Variants in KCNQ3 observed in about 807,000 individuals in gnomAD.
The protein encoded by KCNQ3 is potassium voltage-gated channel subfamily KQT member 3.
In KCNQ3, 30 loss-of-function variants were observed where a neutral mutation model predicts 92.5. That is an observed-to-expected ratio of 0.32 (90% CI 0.24 to 0.44). The LOEUF (loss-of-function observed/expected upper bound fraction) is 0.44, where lower values mean the gene tolerates loss of function less well. KCNQ3 is among the 20% of genes least tolerant of loss of function. KCNQ3 has a pLI of 1.00. For missense variants in KCNQ3, 913 were observed against 1,140.3 expected (o/e 0.80, Z 2.87); for synonymous variants, 450 against 468.8 (o/e 0.96, Z 0.52).
intron 1 of KCNQ3, among the ~76,000 whole-genome samples, chr8:132,421,879 G>A (rs1386162211): frequency 6.6e-6 from 1 of 152,106 alleles, no homozygotes; most frequent in Non-Finnish European, 1.5e-5. Context: ...TTTTCCAAAG[G>A]GAGCCAGGAT....
chr8:132,353,415 C>T (rs886622155), intron 1 of KCNQ3, among the ~76,000 whole-genome samples: 6 of 152,086 alleles, frequency 3.9e-5, no homozygotes, highest in Admixed American at 1.3e-4. Flanking sequence ...CACATGGAAA[C>T]GGTCAAAACT....
intron 1 of KCNQ3, among the ~76,000 whole-genome samples, chr8:132,226,429 G>A (rs528199172): frequency 1.1e-4 from 16 of 152,276 alleles, no homozygotes; most frequent in South Asian, 4.1e-4. Context: ...GCGCGCATGC[G>A]TGTGTAGGGG....
chr8:132,284,224 T>C (rs1183883403), intron 1 of KCNQ3, among the ~76,000 whole-genome samples: 1 of 152,070 alleles, frequency 6.6e-6, no homozygotes, highest in African/African-American at 2.4e-5. Flanking sequence ...TTCTAAGAAA[T>C]TGACCCTGGG....
At chr8:132,228,922 G>C (rs1814530326) in intron 1 of KCNQ3, among the ~76,000 whole-genome samples, 1 of 152,286 alleles carries the variant, frequency 6.6e-6, no homozygotes, top group South Asian at 2.1e-4. Flanking sequence ...TTGACACAGG[G>C]AGAGAGGGAA....
intron 1 of KCNQ3, among the ~76,000 whole-genome samples, chr8:132,419,759 C>T (rs1587003205): frequency 6.6e-6 from 1 of 152,242 alleles, no homozygotes; most frequent in East Asian, 1.9e-4. Flanking sequence ...AACTGAGGCT[C>T]AAAAATCCCG....
intron 1 of KCNQ3, among the ~76,000 whole-genome samples, chr8:132,187,942 G>C (rs62519611): frequency 4.3e-5 from 6 of 139,114 alleles, no homozygotes; most frequent in Admixed American, 6.8e-5. Context: ...GATGGTGGTG[G>C]TGGTGGTGGT....
At chr8:132,391,361 A>G (rs183848440) in intron 1 of KCNQ3, among the ~76,000 whole-genome samples, 1 of 152,194 alleles carries the variant, frequency 6.6e-6, no homozygotes, top group Admixed American at 6.5e-5. Flanking sequence ...TAAAATGGAG[A>G]GGATGACAAA....
intron 1 of KCNQ3, among the ~76,000 whole-genome samples, chr8:132,370,125 A>G (rs968712137): frequency 1.3e-5 from 2 of 152,092 alleles, no homozygotes; most frequent in Non-Finnish European, 2.9e-5. Context: ...ATGGTTTCCA[A>G]CGGCTGTTAC....
intron 1 of KCNQ3, among the ~76,000 whole-genome samples, chr8:132,281,981 T>A (rs1816536800): frequency 6.6e-6 from 1 of 152,114 alleles, no homozygotes; most frequent in African/African-American, 2.4e-5. Context: ...ATCACCTTCC[T>A]CACATTCTTC....
At chr8:132,229,537 A>C (rs1279242961) in intron 1 of KCNQ3, among the ~76,000 whole-genome samples, 2 of 151,944 alleles carry the variant, frequency 1.3e-5, no homozygotes, top group African/African-American at 4.8e-5. Context: ...GATGAAATTC[A>C]TTTTGAAGGT....
At chr8:132,298,657 C>T (rs1817121583) in intron 1 of KCNQ3, among the ~76,000 whole-genome samples, 1 of 152,206 alleles carries the variant, frequency 6.6e-6, no homozygotes. Context: ...CCTGCAATCC[C>T]AGCACTTTGG....
At chr8:132,470,800 T>C (rs998370262) in intron 1 of KCNQ3, among the ~76,000 whole-genome samples, 7 of 152,222 alleles carry the variant, frequency 4.6e-5, no homozygotes, top group Non-Finnish European at 1.0e-4. Context: ...GTTCCCCTCA[T>C]CTTCTTTTGT....
chr8:132,423,182 G>A (rs528405358), intron 1 of KCNQ3, among the ~76,000 whole-genome samples: 37 of 152,310 alleles, frequency 2.4e-4, no homozygotes, highest in Admixed American at 2.2e-3. Flanking sequence ...AACACAGTGT[G>A]TATGTCATCT....
chr8:132,357,534 G>A (rs984794683), intron 1 of KCNQ3, among the ~76,000 whole-genome samples: 1 of 152,224 alleles, frequency 6.6e-6, no homozygotes, highest in African/African-American at 2.4e-5. Flanking sequence ...ACACAGTGAT[G>A]TGAGGTCAGT....
At chr8:132,134,704 AGG>A (rs1825018751) in intron 12 of KCNQ3, among the ~76,000 whole-genome samples, 1 of 151,818 alleles carries the variant, frequency 6.6e-6, no homozygotes, top group Non-Finnish European at 1.5e-5. Context: ...CCCAGGAGAG[AGG>A]GAGGCAGACA....
intron 1 of KCNQ3, chr8:132,447,091 G>C (rs1221278830): frequency 4.3e-6 from 4 of 936,660 alleles, no homozygotes; most frequent in Non-Finnish European, 3.3e-6. Context: ...CATCAGACTT[G>C]GTCCCCAAAT....
chr8:132,214,865 T>A (rs1367212156), intron 1 of KCNQ3, among the ~76,000 whole-genome samples: 1 of 152,198 alleles, frequency 6.6e-6, no homozygotes, highest in Non-Finnish European at 1.5e-5. Flanking sequence ...ATTCAGTAGG[T>A]GCTCCAGGAA....
rs770665175 is a variant in KCNQ3 at position 132,406,826 on chromosome 8, G to C, written c.386+73321C>G. 6.6e-5 allele frequency among the ~76,000 whole-genome samples: 10 copies of C among 152,294 alleles called. No individual in the cohort carries two copies. The East Asian group carries it at 1.9e-3, about 29-fold the overall frequency. On this transcript the variant is annotated intron_variant, in intron 1 of 14. Transcript: ENST00000388996. ...CCCTGTTTTAGGTATTAGGCCAAGG[G>C]TTCTCAACTTTAGTGGGCTTAAAGT...
chr8:132,336,401 A>C (rs7006568), intron 1 of KCNQ3, among the ~76,000 whole-genome samples: 114,983 of 152,156 alleles, frequency 0.76, 43,625 homozygotes, highest in East Asian at 0.94. Context: ...TAGTGACTTA[A>C]TCTCTTAGGG....
Sources: allele counts gnomAD v4.1 joint callset (sites outside exome capture counted in the v4.1 genomes callset), GRCh38; gene constraint gnomAD v4.1.1; transcripts MANE v1.5; gene names NCBI Gene and HGNC (gene_info 2026-07-23, HGNC 2026-07-21).